The following CACNA1C variants were observed in gnomAD, a reference collection of about 807,000 sequenced individuals.
CACNA1C encodes the protein voltage-dependent L-type calcium channel subunit alpha-1C.
Under a neutral mutation model 229.0 loss-of-function variants are expected in CACNA1C, and 30 were observed. The ratio of observed to expected loss-of-function variants is 0.13; its 90% CI spans 0.10 to 0.18. The LOEUF is 0.18. Among genes scored for constraint, CACNA1C ranks in the 10% least tolerant of loss-of-function variants. The pLI is 1.00. For synonymous variants in CACNA1C, 1,114 were observed against 1,132.5 expected, an observed-to-expected ratio of 0.98 and a Z score of 0.33; for missense variants, 1,658 against 2,845.0, an observed-to-expected ratio of 0.58 and a Z score of 9.49.
At chr12:2,603,241 C>A (rs1185260111) in intron 22 of CACNA1C, 1 of 152,190 alleles carries the variant, frequency 6.6e-6, no homozygotes, top group Non-Finnish European at 1.5e-5. Context: ...ACCTTTAAAT[C>A]CCTTCCATTG....
intron 3 of CACNA1C, among the ~76,000 whole-genome samples, chr12:2,380,044 A>AAAAAAAAAAAAAAAAAAAAAAAT (rs1328861436): frequency 6.8e-6 from 1 of 148,036 alleles, no homozygotes; most frequent in Non-Finnish European, 1.5e-5. Flanking sequence ...AAAAAAAAAA[A>AAAAAAAAAAAAAAAAAAAAAAAT]GACATAATAT....
At chr12:2,065,057 C>T (rs918961418) in intron 1 of CACNA1C, among the ~76,000 whole-genome samples, 1 of 152,208 alleles carries the variant, frequency 6.6e-6, no homozygotes, top group South Asian at 2.1e-4. Context: ...CCTCACACCC[C>T]CTCACTGGCC....
At chr12:2,637,167 G>A (rs983987076) in intron 30 of CACNA1C, among the ~76,000 whole-genome samples, 10 of 152,194 alleles carry the variant, frequency 6.6e-5, no homozygotes, top group African/African-American at 2.2e-4. Context: ...CTGTCAAAGC[G>A]TTACCAACAT....
intron 1 of CACNA1C, among the ~76,000 whole-genome samples, chr12:2,028,726 G>A (rs921578352): frequency 6.6e-6 from 1 of 152,166 alleles, no homozygotes; most frequent in African/African-American, 2.4e-5. Context: ...GAATATTTCT[G>A]TATGATGCAG....
At chr12:1,983,564 T>C (rs1016337845) in intron 1 of CACNA1C, among the ~76,000 whole-genome samples, 2 of 152,090 alleles carry the variant, frequency 1.3e-5, no homozygotes, top group Non-Finnish European at 2.9e-5. Flanking sequence ...TCTAATTTAA[T>C]TCTATTGTGG....
In CACNA1C at chr12:2,175,106, T is replaced by TA. The variant is rs565275454; in HGVS notation, c.477+54683dup. 2.1e-4 allele frequency among the ~76,000 whole-genome samples: 32 copies of TA among 152,208 alleles called. No homozygotes were observed. In the East Asian group the frequency reaches 5.8e-3, roughly 28 times the overall value. On this transcript the variant is annotated intron_variant, in intron 3 of 46. Transcript: ENST00000399655. ...GCATGCATCTCTAACAGACAAGATT[T>TA]AAAAAAATATATATCACCAAATGCC...
At chr12:2,537,802 C>A (rs563291915) in intron 9 of CACNA1C, among the ~76,000 whole-genome samples, 2 of 152,252 alleles carry the variant, frequency 1.3e-5, no homozygotes, top group East Asian at 3.9e-4. Context: ...GAGTGTCTCG[C>A]CCTCCTGTGT....
At chr12:2,303,830 G>A (rs557961005) in intron 3 of CACNA1C, among the ~76,000 whole-genome samples, 1 of 152,372 alleles carries the variant, frequency 6.6e-6, no homozygotes, top group South Asian at 2.1e-4. Flanking sequence ...GAGGCCCCCT[G>A]TGGACGGGCC....
chr12:2,524,758 G>A (rs1302273919), intron 9 of CACNA1C, among the ~76,000 whole-genome samples: 1 of 152,220 alleles, frequency 6.6e-6, no homozygotes, highest in Non-Finnish European at 1.5e-5. Flanking sequence ...AGCCAGGCCT[G>A]GGAGTGTGGG....
chr12:2,628,143 G>A (rs1435254353), intron 29 of CACNA1C, among the ~76,000 whole-genome samples: 10 of 152,164 alleles, frequency 6.6e-5, no homozygotes, highest in Non-Finnish European at 8.8e-5. Flanking sequence ...AAGCTGGTGC[G>A]GCCTCTGCTC....
intron 9 of CACNA1C, chr12:2,547,342 A>G (rs1312920293): frequency 1.5e-6 from 1 of 680,814 alleles, no homozygotes; most frequent in Non-Finnish European, 2.7e-6. Flanking sequence ...TGGATGTTCT[A>G]TGTGAAAGCT....
intron 45 of CACNA1C, among the ~76,000 whole-genome samples, chr12:2,687,557 G>C (rs1388813930): frequency 9.3e-6 from 1 of 107,058 alleles, no homozygotes; most frequent in African/African-American, 4.1e-5. Context: ...TTTTTTTTTT[G>C]AGACAGAGTT....
intron 1 of CACNA1C, among the ~76,000 whole-genome samples, chr12:2,077,641 A>T (rs2063714129): frequency 6.6e-6 from 1 of 152,226 alleles, no homozygotes; most frequent in Non-Finnish European, 1.5e-5. Context: ...TTGGAGCTGG[A>T]TATAGGGTTT....
intron 3 of CACNA1C, among the ~76,000 whole-genome samples, chr12:2,379,653 T>C (rs2098177338): frequency 6.6e-6 from 1 of 152,136 alleles, no homozygotes. Context: ...TGGCCCATGG[T>C]CACATGGCAC....
chr12:2,004,300 GC>G (rs1186673477), intron 1 of CACNA1C: 1 of 1,613,116 alleles, frequency 6.2e-7, no homozygotes, highest in African/African-American at 1.3e-5. Flanking sequence ...TGGCCCGATG[GC>G]CGAAGGTGTA....
chr12:2,682,039 G>T (rs10774054), intron 42 of CACNA1C: 1 of 1,599,220 alleles, frequency 6.3e-7, no homozygotes, highest in Non-Finnish European at 8.6e-7. Flanking sequence ...CTGCTCAGGA[G>T]AGCAAACCCC....
chr12:2,472,104 G>C (rs1567886903), intron 5 of CACNA1C, among the ~76,000 whole-genome samples: 2 of 152,086 alleles, frequency 1.3e-5, no homozygotes, highest in African/African-American at 2.4e-5. Flanking sequence ...CATTATATTT[G>C]TTCTGCTTGG....
At chr12:2,671,843 A>G (rs552524500) in intron 38 of CACNA1C, among the ~76,000 whole-genome samples, 2 of 152,324 alleles carry the variant, frequency 1.3e-5, no homozygotes, top group African/African-American at 4.8e-5. Context: ...CAGAACAGCT[A>G]CCAAAGGGCC....
intron 18 of CACNA1C, among the ~76,000 whole-genome samples, 195 bp downstream of exon 18, chr12:2,586,099 G>A (rs146613070): frequency 7.3e-4 from 111 of 152,200 alleles, no homozygotes; most frequent in Middle Eastern, 6.8e-3. Flanking sequence ...TTTGTTTCTG[G>A]TTTCCTCATA....
Sources: allele counts gnomAD v4.1 joint callset (sites outside exome capture counted in the v4.1 genomes callset), GRCh38; gene constraint gnomAD v4.1.1; transcripts MANE v1.5; gene names NCBI Gene and HGNC (gene_info 2026-07-23, HGNC 2026-07-21).